XG: variants seen among roughly 807,000 people sequenced by gnomAD.
XG encodes the protein glycoprotein Xg.
Under a neutral mutation model 25.7 loss-of-function variants are expected in XG, and 24 were observed. That is an observed-to-expected ratio of 0.93 (90% CI 0.68 to 1.31). The LOEUF is 1.31. Among genes scored for constraint, XG ranks in the 40% most tolerant of loss-of-function variants. The pLI, the probability that XG is intolerant of heterozygous loss-of-function variation, is 0.00. For missense variants in XG, 181 were observed against 187.6 expected, an observed-to-expected ratio of 0.96 and a Z score of 0.21; for synonymous variants, 77 against 69.2, an observed-to-expected ratio of 1.11 and a Z score of -0.56.
At chrX:2,771,711 A>G (rs766933764) in intron 2 of XG, among the ~76,000 whole-genome samples, 1 of 152,340 alleles carries the variant, frequency 6.6e-6, no homozygotes, top group Non-Finnish European at 1.5e-5. Context: ...CAGTGCAGTT[A>G]CATAATGGTG....
At chrX:2,805,611 T>A (rs1874677882) in intron 7 of XG, among the ~76,000 whole-genome samples, 1 of 109,881 alleles carries the variant, frequency 9.1e-6, no homozygotes, top group African/African-American at 3.3e-5. Flanking sequence ...TCCTAGAGGC[T>A]GGAGGTCCAA....
At chrX:2,779,332 A>G in intron 3 of XG, among the ~76,000 whole-genome samples, 1 of 45,518 alleles carries the variant, frequency 2.2e-5, no homozygotes, top group Admixed American at 1.8e-4. Context: ...TGAGAGTATA[A>G]AAAAAAAAAA....
At chrX:2,778,551 G>GA (rs765835899) in intron 3 of XG, among the ~76,000 whole-genome samples, 11 of 150,138 alleles carry the variant, frequency 7.3e-5, no homozygotes, top group African/African-American at 1.7e-4. Flanking sequence ...CAAAAGAAAA[G>GA]AAAAAAAAAG....
intron 1 of XG, among the ~76,000 whole-genome samples, chrX:2,763,427 G>A (rs2050607630): frequency 6.8e-6 from 1 of 147,942 alleles, no homozygotes; most frequent in African/African-American, 2.5e-5. Context: ...ACTGAGGCCT[G>A]AATTCTCATT....
In XG at chrX:2,797,321, G is replaced by A. The variant is rs774829003; in HGVS notation, c.334G>A (p.Gly112Ser). Residue 112 changes from glycine to serine, a missense_variant, in exon 7 of 11, where the codon GGT (glycine) becomes AGT (serine). By Grantham distance (56) the Gly-to-Ser change is moderately conservative (BLOSUM62 0). Transcript: ENST00000644266. ...RPRPPAGGGG[G>S]GYSSYGNSDN... is the part of the protein sequence containing the mutation. ...TCTCTGTCTAACAGGAGGTGGCGGC[G>A]GTGGCTACTCCAGTTATGGCAACTC... 1.1e-5 allele frequency: 13 copies of A among 1,208,397 alleles called. No homozygotes were observed. In the African/African-American group the frequency reaches 1.6e-4, roughly 15 times the overall value.
intron 7 of XG, among the ~76,000 whole-genome samples, chrX:2,799,331 A>G (rs1222573840): frequency 9.0e-6 from 1 of 111,350 alleles, no homozygotes. Flanking sequence ...GACGAGCGTA[A>G]AAGATTTATT....
chrX:2,792,808 G>T (rs1473170214), intron 5 of XG, among the ~76,000 whole-genome samples: 1 of 111,180 alleles, frequency 9.0e-6, no homozygotes, highest in Non-Finnish European at 1.9e-5. Flanking sequence ...GCGGGATCAG[G>T]TTAGGGGCAC....
chrX:2,794,252 G>T (rs1176408221), intron 5 of XG, among the ~76,000 whole-genome samples: 1 of 111,981 alleles, frequency 8.9e-6, no homozygotes, highest in Non-Finnish European at 1.9e-5. Context: ...CTTCACCCCA[G>T]CTCACGGTTG....
chrX:2,770,882 G>A (rs2050803359), intron 2 of XG, among the ~76,000 whole-genome samples: 1 of 152,008 alleles, frequency 6.6e-6, no homozygotes, highest in Non-Finnish European at 1.5e-5. Flanking sequence ...GTCTCGTTCT[G>A]ATGCCCAGAC....
intron 2 of XG, among the ~76,000 whole-genome samples, chrX:2,771,416 A>ATC (rs959183461): frequency 7.9e-5 from 12 of 152,180 alleles, no homozygotes; most frequent in Non-Finnish European, 1.6e-4. Flanking sequence ...AGGACCTGGA[A>ATC]TCTTCCCATT....
intron 7 of XG, among the ~76,000 whole-genome samples, chrX:2,806,052 A>G (rs1341783342): frequency 1.8e-5 from 2 of 112,079 alleles, no homozygotes; most frequent in African/African-American, 6.5e-5. Flanking sequence ...TTCTGAGACA[A>G]AATCTCACTC....
At chrX:2,782,165 G>C (rs1306268075) in intron 4 of XG, 37 bp downstream of exon 4, 1 of 1,197,608 alleles carries the variant, frequency 8.3e-7, no homozygotes, top group Non-Finnish European at 1.1e-6. Context: ...TTCTCAATCT[G>C]GTTTGATGAT....
intron 10 of XG, among the ~76,000 whole-genome samples, chrX:2,812,899 C>T (rs1393190448): frequency 2.7e-5 from 3 of 111,853 alleles, no homozygotes; most frequent in African/African-American, 9.8e-5. Context: ...GCACCCATCT[C>T]CACAAGCACA....
intron 4 of XG, among the ~76,000 whole-genome samples, chrX:2,785,088 G>A (rs1039892091): frequency 4.5e-5 from 5 of 111,855 alleles, no homozygotes; most frequent in African/African-American, 1.3e-4. Context: ...CTGGAAATGC[G>A]GGACAACTGG....
At chrX:2,786,258 G>GTTTTTTTTTTTTTTTTTTT (rs1569039363) in intron 4 of XG, among the ~76,000 whole-genome samples, 4 of 26,265 alleles carry the variant, frequency 1.5e-4, no homozygotes, top group African/African-American at 5.2e-4. Flanking sequence ...TATCCATGTT[G>GTTTTTTTTTTTTTTTTTTT]TCTTTTTTTT....
intron 7 of XG, 49 bp downstream of exon 7, chrX:2,797,409 C>T (rs1284647513): frequency 8.5e-7 from 1 of 1,177,838 alleles, no homozygotes; most frequent in Admixed American, 2.2e-5. Flanking sequence ...TGGGAGGGGT[C>T]ATCTTTCTAG....
At position 2,789,894 on chromosome X, in the gene XG, G is replaced by A. The variant is rs779967386; in HGVS notation, c.253+188G>A. Among the ~76,000 whole-genome samples the A allele has an allele frequency of 1.4e-4, 15 of 109,404 alleles. No individual in the cohort carries two copies. In the South Asian group the frequency reaches 1.6e-3, roughly 12 times the overall value. On this transcript the variant is annotated intron_variant, in intron 5 of 10. Coordinates refer to ENST00000644266, the MANE Select transcript of XG (RefSeq NM_001141919.2). ...TTATTTATTTTGGAGACAGGGTCTC[G>A]CTCTGTTGCCCTGGCCAGAGTGAAG...
At chrX:2,762,933 A>C (rs1265757084) in intron 1 of XG, among the ~76,000 whole-genome samples, 1 of 152,234 alleles carries the variant, frequency 6.6e-6, no homozygotes. Flanking sequence ...GAGCAGCTTG[A>C]TAAGCAAGAA....
Position 2,790,764 on chromosome X carries a change from C to T in XG, c.253+1058C>T, listed in dbSNP as rs2086829887. ...GCCTTGAGCCAAGATTGTGCCAATG[C>T]ACAATCTATCTAGGTGATAGAGTGA... On this transcript the variant is annotated intron_variant, in intron 5 of 10. Coordinates refer to ENST00000644266, the MANE Select transcript of XG (RefSeq NM_001141919.2). 2.7e-5 allele frequency among the ~76,000 whole-genome samples: 3 copies of T among 111,732 alleles called. No homozygotes were observed. The Admixed American group carries it at 2.8e-4, about 11-fold the overall frequency.
Sources: allele counts gnomAD v4.1 joint callset (sites outside exome capture counted in the v4.1 genomes callset), GRCh38; gene constraint gnomAD v4.1.1; transcripts MANE v1.5; gene names NCBI Gene and HGNC (gene_info 2026-07-23, HGNC 2026-07-21).